The following PDE7B variants were observed in gnomAD, a reference collection of about 807,000 sequenced individuals.
The protein encoded by PDE7B is 3',5'-cyclic-AMP phosphodiesterase 7B.
PDE7B carries 29 observed loss-of-function variants against 56.2 expected under a neutral mutation model. That is an observed-to-expected ratio of 0.52 (90% confidence interval 0.38 to 0.70). The LOEUF is 0.70. Ranked by LOEUF, PDE7B falls within the 30% of genes least tolerant of loss-of-function variation. PDE7B has a pLI of 0.00. For missense variants in PDE7B, 490 were observed against 565.0 expected, an observed-to-expected ratio of 0.87 and a Z score of 1.35; for synonymous variants, 197 against 196.9, an observed-to-expected ratio of 1.00 and a Z score of 0.00.
At chr6:136,050,849 G>A (rs1776610202) in intron 2 of PDE7B, among the ~76,000 whole-genome samples, 1 of 152,180 alleles carries the variant, frequency 6.6e-6, no homozygotes, top group South Asian at 2.1e-4. Context: ...CGAAGGAACA[G>A]TGTAATCTTT....
chr6:136,152,144 G>C (rs989486824), intron 6 of PDE7B, among the ~76,000 whole-genome samples: 11 of 152,030 alleles, frequency 7.2e-5, no homozygotes, highest in Admixed American at 7.2e-4. Context: ...GACTCACGTG[G>C]TTTAAACCCA....
chr6:135,977,382 A>G (rs1775205509), intron 2 of PDE7B, among the ~76,000 whole-genome samples: 1 of 152,118 alleles, frequency 6.6e-6, no homozygotes, highest in African/African-American at 2.4e-5. Flanking sequence ...TTGGATTCAG[A>G]TTCGGTCCCA....
intron 2 of PDE7B, among the ~76,000 whole-genome samples, chr6:136,075,951 A>G (rs1167497501): frequency 6.6e-6 from 1 of 152,138 alleles, no homozygotes; most frequent in African/African-American, 2.4e-5. Flanking sequence ...TCCATTTTTT[A>G]TACGGCAGAT....
At chr6:136,173,182 C>A (rs2128450154) in intron 8 of PDE7B, among the ~76,000 whole-genome samples, 1 of 152,286 alleles carries the variant, frequency 6.6e-6, no homozygotes, top group African/African-American at 2.4e-5. Flanking sequence ...CCAAAAAGAG[C>A]CCGCATTGCC....
intron 11 of PDE7B, among the ~76,000 whole-genome samples, chr6:136,183,845 A>G (rs1779106236): frequency 6.6e-6 from 1 of 152,222 alleles, no homozygotes; most frequent in East Asian, 1.9e-4. Flanking sequence ...ATGTTAAGCA[A>G]AGGAAAACCC....
chr6:135,892,427 A>C (rs1276639231), intron 1 of PDE7B, among the ~76,000 whole-genome samples: 1 of 152,184 alleles, frequency 6.6e-6, no homozygotes, highest in Non-Finnish European at 1.5e-5. Context: ...CTAATGCATC[A>C]AAAAGTTATT....
At position 136,187,049 on chromosome 6, in the gene PDE7B, G is replaced by A; in HGVS notation, c.1059G>A (p.Gln353=). The change falls in exon 12 of 13, where the codon CAG becomes CAA. Residue 353 remains glutamine (Q), a synonymous_variant. Transcript: ENST00000308191. ...EEFYRQGELE[Q]KFELEISPLC... is the part of the protein sequence containing the mutation. ...CTTTCTTCTTAGGTGAACTTGAACAGAAATTTGAACTGGAAATCAGTCCTC... is the reference window on the plus strand; with the variant it reads ...CTTTCTTCTTAGGTGAACTTGAACAAAAATTTGAACTGGAAATCAGTCCTC... 1 of 1,569,762 alleles carries A rather than the reference G, an allele frequency of 6.4e-7. No homozygotes were observed. Among genetic ancestry groups the A allele is most frequent in the South Asian group, 1.1e-5 (1 of 89,170 alleles).
intron 1 of PDE7B, among the ~76,000 whole-genome samples, chr6:135,880,848 C>T (rs1247791364): frequency 4.6e-5 from 7 of 152,156 alleles, no homozygotes; most frequent in African/African-American, 1.7e-4. Context: ...GGGAAGTTGT[C>T]TGGATGCTTT....
intron 2 of PDE7B, among the ~76,000 whole-genome samples, chr6:136,024,209 T>C (rs570759458): frequency 6.6e-6 from 1 of 152,344 alleles, no homozygotes; most frequent in South Asian, 2.1e-4. Flanking sequence ...CCATGTTTTA[T>C]AGAAATGGAT....
At chr6:135,958,466 T>A (rs1402038980) in intron 2 of PDE7B, among the ~76,000 whole-genome samples, 1 of 152,164 alleles carries the variant, frequency 6.6e-6, no homozygotes, top group East Asian at 1.9e-4. Context: ...TATATTTCAT[T>A]GTAAATTCAT....
At chr6:136,055,926 C>T (rs888069385) in intron 2 of PDE7B, among the ~76,000 whole-genome samples, 9 of 152,090 alleles carry the variant, frequency 5.9e-5, no homozygotes, top group African/African-American at 2.2e-4. Context: ...GGACAATGAT[C>T]CTGCAAGATA....
chr6:136,015,709 C>T (rs989361578), intron 2 of PDE7B, among the ~76,000 whole-genome samples: 1 of 151,942 alleles, frequency 6.6e-6, no homozygotes, highest in African/African-American at 2.4e-5. Context: ...TTCTTGATTC[C>T]CGGATTCCTT....
chr6:136,139,095 A>G (rs1038880122), intron 3 of PDE7B, among the ~76,000 whole-genome samples: 4 of 152,026 alleles, frequency 2.6e-5, no homozygotes, highest in Admixed American at 6.6e-5. Flanking sequence ...CATTAGGCAT[A>G]TCTCCTAATG....
chr6:135,926,242 A>T (rs542290345), intron 1 of PDE7B, among the ~76,000 whole-genome samples: 10 of 151,778 alleles, frequency 6.6e-5, no homozygotes, highest in South Asian at 2.1e-4. Flanking sequence ...ACCCGCCACC[A>T]CGCCCAGCTA....
At chr6:136,082,502 G>A (rs1380176893) in intron 2 of PDE7B, among the ~76,000 whole-genome samples, 3 of 152,204 alleles carry the variant, frequency 2.0e-5, no homozygotes, top group African/African-American at 7.2e-5. Context: ...AGGCTGTGAT[G>A]TTCAGCTGAG....
intron 1 of PDE7B, among the ~76,000 whole-genome samples, chr6:135,931,328 T>C (rs1774288562): frequency 6.6e-6 from 1 of 152,214 alleles, no homozygotes; most frequent in South Asian, 2.1e-4. Flanking sequence ...ATGCGAGTGA[T>C]AGCACATGAA....
chr6:136,013,548 G>C (rs1775927981), intron 2 of PDE7B, among the ~76,000 whole-genome samples: 1 of 152,256 alleles, frequency 6.6e-6, no homozygotes, highest in East Asian at 1.9e-4. Context: ...GGTGGCCACA[G>C]TAGCACATGG....
chr6:136,007,002 T>C (rs1775796980), intron 2 of PDE7B, among the ~76,000 whole-genome samples: 1 of 152,218 alleles, frequency 6.6e-6, no homozygotes, highest in Non-Finnish European at 1.5e-5. Flanking sequence ...TCAAGAGGAA[T>C]GATTCCAGCT....
chr6:135,868,712 T>C (rs1775313206), intron 1 of PDE7B, among the ~76,000 whole-genome samples: 1 of 152,190 alleles, frequency 6.6e-6, no homozygotes, highest in East Asian at 1.9e-4. Context: ...AGATTACAGG[T>C]GTGAGCCACC....
Sources: gnomAD v4.1 joint callset for allele counts (sites outside exome capture counted in the v4.1 genomes callset) on GRCh38, gnomAD v4.1.1 for gene constraint, MANE v1.5 for transcripts, NCBI Gene and HGNC (gene_info 2026-07-23, HGNC 2026-07-21) for gene names.